The following LPP variants were observed in gnomAD, a reference collection of about 807,000 sequenced individuals.
The protein encoded by LPP is lipoma-preferred partner.
In LPP, 38 loss-of-function variants were observed where a neutral mutation model predicts 60.4. The ratio of observed to expected loss-of-function variants is 0.63; its 90% CI spans 0.49 to 0.83. LPP has a LOEUF of 0.83. Among genes scored for constraint, LPP ranks in the 40% least tolerant of loss-of-function variants. The probability of loss-of-function intolerance (pLI) is 0.00; values close to 1 mark genes in which losing one functional copy is unlikely to be tolerated. For missense variants in LPP, 902 were observed against 783.6 expected (o/e 1.15, Z -1.80); for synonymous variants, 328 against 290.8 (o/e 1.13, Z -1.30).
At chr3:188,317,655 G>C (rs1460461895) in intron 2 of LPP, among the ~76,000 whole-genome samples, 1 of 152,196 alleles carries the variant, frequency 6.6e-6, no homozygotes, top group African/African-American at 2.4e-5. Flanking sequence ...ATTTAGTGTA[G>C]TGCAACTAAG....
chr3:188,219,307 T>C (rs1214236603), intron 1 of LPP, among the ~76,000 whole-genome samples: 1 of 152,202 alleles, frequency 6.6e-6, no homozygotes, highest in African/African-American at 2.4e-5. Context: ...ATTCTTTGAC[T>C]CTATCCTGTT....
intron 2 of LPP, among the ~76,000 whole-genome samples, chr3:188,248,494 A>ATATATATATATATATATATG (rs1371178264): frequency 1.6e-4 from 22 of 139,816 alleles, no homozygotes; most frequent in African/African-American, 3.3e-4. Flanking sequence ...ATATATATAT[A>ATATATATATATATATATATG]TATACAGTCA....
At chr3:188,716,501 G>C (rs1477835967) in intron 8 of LPP, among the ~76,000 whole-genome samples, 1 of 152,210 alleles carries the variant, frequency 6.6e-6, no homozygotes, top group African/African-American at 2.4e-5. Flanking sequence ...CAGAGGACTT[G>C]ACTAAGATGC....
chr3:188,184,426 AGAC>A (rs1175295809), intron 1 of LPP, among the ~76,000 whole-genome samples: 2 of 152,170 alleles, frequency 1.3e-5, no homozygotes, highest in Non-Finnish European at 2.9e-5. Flanking sequence ...GTGGGGAGAG[AGAC>A]AAGTGTGCTG....
At chr3:188,672,743 C>T (rs1857194732) in intron 7 of LPP, among the ~76,000 whole-genome samples, 1 of 152,116 alleles carries the variant, frequency 6.6e-6, no homozygotes, top group South Asian at 2.1e-4. Context: ...TCCATAAGCT[C>T]GTTCCCTTCT....
chr3:188,670,604 T>G (rs1856775181), intron 7 of LPP, among the ~76,000 whole-genome samples: 1 of 152,174 alleles, frequency 6.6e-6, no homozygotes, highest in African/African-American at 2.4e-5. Flanking sequence ...GACTGGGACC[T>G]CATGTTGAAC....
intron 7 of LPP, among the ~76,000 whole-genome samples, chr3:188,615,032 C>G (rs1036113821): frequency 9.2e-5 from 14 of 152,250 alleles, no homozygotes; most frequent in African/African-American, 3.1e-4. Flanking sequence ...TTGAAATGGC[C>G]TCTTACTTAG....
intron 2 of LPP, among the ~76,000 whole-genome samples, chr3:188,244,169 C>A (rs536011101): frequency 6.6e-6 from 1 of 152,220 alleles, no homozygotes; most frequent in Non-Finnish European, 1.5e-5. Flanking sequence ...CTGCGCCCAG[C>A]GCACATACAA....
At chr3:188,277,836 T>C (rs1740529579) in intron 2 of LPP, among the ~76,000 whole-genome samples, 1 of 152,210 alleles carries the variant, frequency 6.6e-6, no homozygotes, top group South Asian at 2.1e-4. Context: ...CACAGATTTC[T>C]GCTAAAGCTT....
At chr3:188,424,509 G>T (rs537931851) in intron 4 of LPP, among the ~76,000 whole-genome samples, 1 of 152,218 alleles carries the variant, frequency 6.6e-6, no homozygotes, top group South Asian at 2.1e-4. Context: ...ATGCTAGCTT[G>T]ATGGGGATAG....
chr3:188,545,244 T>TA (rs1826276729), intron 6 of LPP, among the ~76,000 whole-genome samples: 1 of 110,398 alleles, frequency 9.1e-6, no homozygotes, highest in Non-Finnish European at 1.8e-5. Context: ...CCCTAAAACT[T>TA]AAAGTATAAT....
chr3:188,839,914 AAG>A (rs1759501476), intron 9 of LPP, among the ~76,000 whole-genome samples: 2 of 152,182 alleles, frequency 1.3e-5, no homozygotes, highest in Non-Finnish European at 2.9e-5. Context: ...AAATTTAAAA[AAG>A]AGTAAGTTGC....
At chr3:188,672,124 G>A (rs1019191956) in intron 7 of LPP, among the ~76,000 whole-genome samples, 11 of 152,278 alleles carry the variant, frequency 7.2e-5, no homozygotes, top group East Asian at 1.9e-4. Context: ...AACTGACTGC[G>A]TAAGAATTTA....
chr3:188,622,947 G>A (rs1396412478), intron 7 of LPP, among the ~76,000 whole-genome samples: 3 of 150,506 alleles, frequency 2.0e-5, no homozygotes, highest in African/African-American at 7.3e-5. Context: ...GGAATCGCTC[G>A]AACCTGAGAG....
At chr3:188,874,119 A>G (rs888073028) in intron 11 of LPP, among the ~76,000 whole-genome samples, 1 of 152,098 alleles carries the variant, frequency 6.6e-6, no homozygotes, top group Non-Finnish European at 1.5e-5. Flanking sequence ...TAGGAGGATT[A>G]TATTTATGTC....
intron 4 of LPP, among the ~76,000 whole-genome samples, chr3:188,432,255 GTATTTC>G (rs1307978356): frequency 9.2e-5 from 14 of 152,174 alleles, no homozygotes; most frequent in African/African-American, 3.4e-4. Flanking sequence ...TTTTTCTACT[GTATTTC>G]ATTTGCTCAC....
intron 6 of LPP, among the ~76,000 whole-genome samples, chr3:188,550,888 G>A (rs1035305831): frequency 6.6e-6 from 1 of 152,172 alleles, no homozygotes; most frequent in Non-Finnish European, 1.5e-5. Context: ...ACTACATTTT[G>A]AAACGTTAGT....
At chr3:188,345,824 C>T (rs1238232569) in intron 3 of LPP, among the ~76,000 whole-genome samples, 1 of 152,142 alleles carries the variant, frequency 6.6e-6, no homozygotes, top group Non-Finnish European at 1.5e-5. Flanking sequence ...ACCACTGGAC[C>T]TAAGCACTTA....
chr3:188,714,358 T>C (rs761524352), intron 8 of LPP, among the ~76,000 whole-genome samples: 2 of 152,220 alleles, frequency 1.3e-5, no homozygotes, highest in African/African-American at 4.8e-5. Flanking sequence ...ATGTCACTGA[T>C]ATGTTTCAAC....
Sources: allele counts gnomAD v4.1 joint callset (sites outside exome capture counted in the v4.1 genomes callset), GRCh38; gene constraint gnomAD v4.1.1; transcripts MANE v1.5; gene names NCBI Gene and HGNC (gene_info 2026-07-23, HGNC 2026-07-21).